Variants in HSD17B4 observed in about 807,000 individuals in gnomAD.
The protein encoded by HSD17B4 is peroxisomal multifunctional enzyme type 2.
In HSD17B4, 70 loss-of-function variants were observed where a neutral mutation model predicts 101.0. The ratio of observed to expected loss-of-function variants is 0.69; its 90% confidence interval spans 0.57 to 0.85. HSD17B4 has a LOEUF of 0.85. HSD17B4 is among the 40% of genes least tolerant of loss of function. The pLI, the probability that HSD17B4 is intolerant of heterozygous loss-of-function variation, is 0.00. For missense variants in HSD17B4, 984 were observed against 892.4 expected, an observed-to-expected ratio of 1.10 and a Z score of -1.31; for synonymous variants, 347 against 297.1, an observed-to-expected ratio of 1.17 and a Z score of -1.73.
At chr5:119,494,421 T>C (rs1750444117) in intron 11 of HSD17B4, among the ~76,000 whole-genome samples, 2 of 151,556 alleles carry the variant, frequency 1.3e-5, no homozygotes. Context: ...TTTTATTATT[T>C]AGGCTTAGCT....
intron 4 of HSD17B4, among the ~76,000 whole-genome samples, chr5:119,474,979 T>G (rs1456375304): frequency 1.3e-5 from 2 of 152,162 alleles, no homozygotes; most frequent in Non-Finnish European, 2.9e-5. Context: ...TAATAAAAGA[T>G]TATTTAACTA....
At chr5:119,528,385 T>C (rs1004029556) in intron 20 of HSD17B4, among the ~76,000 whole-genome samples, 1 of 152,296 alleles carries the variant, frequency 6.6e-6, no homozygotes, top group South Asian at 2.1e-4. Flanking sequence ...ATCATTTTCC[T>C]GCTTAATTTG....
chr5:119,464,108 A>T (rs1755564844), intron 2 of HSD17B4, among the ~76,000 whole-genome samples: 1 of 152,152 alleles, frequency 6.6e-6, no homozygotes, highest in African/African-American at 2.4e-5. Context: ...TTGGATGAAT[A>T]GTTTGCAAAT....
At chr5:119,522,357 C>G (rs1464482109) in intron 17 of HSD17B4, among the ~76,000 whole-genome samples, 2 of 152,042 alleles carry the variant, frequency 1.3e-5, no homozygotes, top group Non-Finnish European at 2.9e-5. Context: ...TGGGTTGGTT[C>G]CAAGTCTTTG....
intron 23 of HSD17B4, among the ~76,000 whole-genome samples, chr5:119,540,900 G>C (rs78511598): frequency 0.016 from 2,440 of 152,218 alleles, 24 homozygotes; most frequent in Admixed American, 0.022. Context: ...CTGTCAACTG[G>C]GGTAAGAACT....
chr5:119,490,681 G>C (rs927338297), intron 9 of HSD17B4, among the ~76,000 whole-genome samples: 4 of 152,044 alleles, frequency 2.6e-5, no homozygotes, highest in African/African-American at 7.2e-5. Context: ...TGATTCTCCT[G>C]CCTTAGCCTC....
chr5:119,457,564 T>C (rs1388366424), intron 2 of HSD17B4, among the ~76,000 whole-genome samples: 1 of 152,216 alleles, frequency 6.6e-6, no homozygotes, highest in Non-Finnish European at 1.5e-5. Context: ...CATTGTATTA[T>C]TTGGACAGCG....
intron 18 of HSD17B4, 195 bp from the exon 19 acceptor site, chr5:119,525,722 T>TTTTTCTTTC: frequency 1.7e-6 from 1 of 578,314 alleles, no homozygotes; most frequent in Non-Finnish European, 3.1e-6. Context: ...TGTTTTTTTT[T>TTTTTCTTTC]TTTCTTTCTT....
chr5:119,540,554 C>G (rs1403749008), intron 23 of HSD17B4, among the ~76,000 whole-genome samples: 1 of 152,158 alleles, frequency 6.6e-6, no homozygotes, highest in Non-Finnish European at 1.5e-5. Context: ...GTACTGACTC[C>G]TTCCCTGCAT....
chr5:119,505,870 A>G (rs1751599414), intron 14 of HSD17B4, among the ~76,000 whole-genome samples: 1 of 152,176 alleles, frequency 6.6e-6, no homozygotes, highest in African/African-American at 2.4e-5. Flanking sequence ...TAACAGGGTC[A>G]AAAGACACCA....
intron 2 of HSD17B4, among the ~76,000 whole-genome samples, chr5:119,465,294 G>T (rs1447235317): frequency 1.3e-5 from 2 of 152,126 alleles, no homozygotes; most frequent in Non-Finnish European, 2.9e-5. Flanking sequence ...GGTTTATATG[G>T]TATGGATGTT....
At chr5:119,530,146 C>T (rs1253752673) in intron 21 of HSD17B4, 166 bp downstream of exon 21, 2 of 626,542 alleles carry the variant, frequency 3.2e-6, no homozygotes, top group Non-Finnish European at 5.7e-6. Flanking sequence ...AGAAGGAATA[C>T]TCTGGCAATT....
At chr5:119,505,497 T>C (rs1050998854) in intron 14 of HSD17B4, among the ~76,000 whole-genome samples, 1 of 152,202 alleles carries the variant, frequency 6.6e-6, no homozygotes, top group Non-Finnish European at 1.5e-5. Flanking sequence ...TTTTATTTTT[T>C]TGTGCTATTG....
At chr5:119,475,655 C>G (rs1748510128) in intron 4 of HSD17B4, 51 bp from the exon 5 acceptor site, 1 of 1,443,788 alleles carries the variant, frequency 6.9e-7, no homozygotes, top group African/African-American at 1.4e-5. Flanking sequence ...TAAGCAAATG[C>G]AAACTAATAT....
intron 17 of HSD17B4, among the ~76,000 whole-genome samples, chr5:119,516,540 C>T (rs891592101): frequency 6.6e-6 from 1 of 151,798 alleles, no homozygotes; most frequent in African/African-American, 2.4e-5. Context: ...TTTAAATCAA[C>T]AATATTTTTG....
chr5:119,479,375 A>G (rs1009165284), intron 8 of HSD17B4, among the ~76,000 whole-genome samples: 4 of 152,182 alleles, frequency 2.6e-5, no homozygotes, highest in African/African-American at 7.2e-5. Context: ...AATTGTACAG[A>G]GAATTCTTCT....
chr5:119,460,774 A>G (rs1755148331), intron 2 of HSD17B4, among the ~76,000 whole-genome samples: 1 of 152,338 alleles, frequency 6.6e-6, no homozygotes, highest in South Asian at 2.1e-4. Context: ...AGAAATACAT[A>G]TGTAAAAATA....
chr5:119,457,588 G>C (rs1482147040), intron 2 of HSD17B4, among the ~76,000 whole-genome samples: 1 of 152,184 alleles, frequency 6.6e-6, no homozygotes, highest in Non-Finnish European at 1.5e-5. Context: ...ATATATTTCA[G>C]GCCCACTTTG....
At chr5:119,489,567 G>A (rs1454428697) in intron 9 of HSD17B4, among the ~76,000 whole-genome samples, 1 of 152,126 alleles carries the variant, frequency 6.6e-6, no homozygotes, top group African/African-American at 2.4e-5. Context: ...GAATGATAAG[G>A]TGGAAAGATG....
Sources: allele counts gnomAD v4.1 joint callset (sites outside exome capture counted in the v4.1 genomes callset), GRCh38; gene constraint gnomAD v4.1.1; transcripts MANE v1.5; gene names NCBI Gene and HGNC (gene_info 2026-07-23, HGNC 2026-07-21).